Variants in LONRF1 observed in about 807,000 individuals in gnomAD.
LONRF1 encodes LON peptidase N-terminal domain and ring finger 1.
A neutral mutation model predicts 85.8 loss-of-function variants in LONRF1; 37 were observed. That is an observed-to-expected ratio of 0.43 (90% CI 0.33 to 0.57). The LOEUF (loss-of-function observed/expected upper bound fraction) is 0.57, where lower values mean the gene tolerates loss of function less well. Ranked by LOEUF, LONRF1 falls within the 20% of genes least tolerant of loss-of-function variation. LONRF1 has a pLI of 0.04. For synonymous variants in LONRF1, 517 were observed against 390.1 expected, an observed-to-expected ratio of 1.33 and a Z score of -3.83; for missense variants, 1,036 against 978.0, an observed-to-expected ratio of 1.06 and a Z score of -0.79.
At chr8:12,746,701 T>C (rs992442112) in intron 1 of LONRF1, among the ~76,000 whole-genome samples, 2 of 151,998 alleles carry the variant, frequency 1.3e-5, no homozygotes, top group African/African-American at 4.9e-5. Context: ...CAATTCTACA[T>C]GGATCTAGGA....
At chr8:12,736,563 C>G (rs1181470499) in intron 6 of LONRF1, 138 bp downstream of exon 6, 1 of 616,144 alleles carries the variant, frequency 1.6e-6, no homozygotes, top group Non-Finnish European at 2.7e-6. Flanking sequence ...AAGGTAAACC[C>G]AGGACTAAAA....
chr8:12,723,489 G>C (rs376671542), intron 11 of LONRF1, among the ~76,000 whole-genome samples: 1 of 152,172 alleles, frequency 6.6e-6, no homozygotes, highest in African/African-American at 2.4e-5. Flanking sequence ...TTCAAATCTA[G>C]ACCTGACTCC....
rs752338089 is a variant in LONRF1, at chr8:12,731,671, G to A, written c.1688+65C>T. On this transcript the variant is annotated intron_variant, in intron 8 of 11. Transcript: ENST00000398246. The stretch of plus-strand genomic sequence containing the variant: ...GAACTAAAGACAGGATCCAGCTTGC[G>A]GTGAGGTTTTTCCTTACTATTAAAG... 34 of 1,388,094 alleles carry A rather than the reference G, an allele frequency of 2.4e-5. No homozygotes were observed. In the South Asian group the frequency reaches 3.5e-4, roughly 14 times the overall value. 86.0% of individuals were successfully genotyped at this position (1,388,094 alleles called of 1,614,324 possible). A position where few individuals can be genotyped will look rare whatever the true frequency, so the allele number is the denominator to read the frequency against.
chr8:12,739,474 G>A (rs1249429443), intron 3 of LONRF1, among the ~76,000 whole-genome samples: 1 of 152,120 alleles, frequency 6.6e-6, no homozygotes, highest in African/African-American at 2.4e-5. Context: ...TCTAGGAGCA[G>A]GGGATGGAGG....
intron 10 of LONRF1, among the ~76,000 whole-genome samples, chr8:12,727,504 T>A (rs578203130): frequency 6.6e-6 from 1 of 151,908 alleles, no homozygotes; most frequent in Non-Finnish European, 1.5e-5. Flanking sequence ...TACTAGACAT[T>A]CCGAGGACCA....
chr8:12,755,491 A>G lies in LONRF1; in HGVS notation c.-71T>C. 1.2e-6 allele frequency: 1 copy of G among 843,224 alleles called. No homozygotes were observed. The highest frequency in any genetic ancestry group is 1.4e-6 in the Non-Finnish European group (1 of 691,876). The allele number at this position is 843,224 out of a possible 1,614,324, so 52.2% of individuals were successfully genotyped here. A position where few individuals can be genotyped will look rare whatever the true frequency, so the allele number is the denominator to read the frequency against. On this transcript the variant is annotated 5_prime_UTR_variant, in exon 1 of 12. Coordinates refer to ENST00000398246, the MANE Select transcript of LONRF1 (RefSeq NM_152271.5). The stretch of plus-strand genomic sequence containing the variant: ...GAGCCTCCCGGGCGCGCGGCTCCGC[A>G]CGCGGCCCGCGAGCAGGGGGGCGTG...
At chr8:12,751,296 GTTTTTT>G (rs869038024) in intron 1 of LONRF1, among the ~76,000 whole-genome samples, 1 of 69,536 alleles carries the variant, frequency 1.4e-5, no homozygotes, top group Non-Finnish European at 2.8e-5. Context: ...TTATTTTTAT[GTTTTTT>G]TTTTTTTTTT....
At position 12,725,663 on chromosome 8, in the gene LONRF1, T is replaced by G. The variant is rs564676868; in HGVS notation, c.2163+64A>C. The G allele has an allele frequency of 2.0e-6, 3 of 1,506,338 alleles. No individual in the cohort carries two copies. In the African/African-American group the frequency reaches 4.2e-5, roughly 21 times the overall value. 93.3% of individuals were successfully genotyped at this position (1,506,338 alleles called of 1,614,324 possible). On this transcript the variant is annotated intron_variant, in intron 11 of 11. Transcript: ENST00000398246. ...AGAAAGGACAATGAGAAAACAAATG[T>G]AGAAGTGTGCAAATTTGGGTTTATA...
intron 7 of LONRF1, among the ~76,000 whole-genome samples, chr8:12,735,036 C>CTTT (rs1798666344): frequency 6.6e-6 from 1 of 151,936 alleles, no homozygotes; most frequent in Non-Finnish European, 1.5e-5. Context: ...ACCATACCCA[C>CTTT]TTTTGTTTAA....
Position 12,729,305 on chromosome 8 carries a change from A to C in LONRF1, c.1716T>G (p.Val572=), listed in dbSNP as rs1425508799. Residue 572 remains valine, a synonymous_variant, in exon 9 of 12, where the codon GTT becomes GTG. Coordinates refer to ENST00000398246, the MANE Select transcript of LONRF1 (RefSeq NM_152271.5). ...SHLTKNVPIF[V]CTMAYPTVPC... Reference sequence around the variant, plus strand: ...GCACAGTGGGGTAGGCCATAGTGCAAACAAATATTGGAACATTCTTGGTCA... The same window carrying C: ...GCACAGTGGGGTAGGCCATAGTGCACACAAATATTGGAACATTCTTGGTCA... The C allele has an allele frequency of 1.2e-6, 2 of 1,613,656 alleles. No homozygotes were observed. The highest frequency in any genetic ancestry group is 2.7e-5 in the African/African-American group (2 of 74,926).
intron 1 of LONRF1, among the ~76,000 whole-genome samples, chr8:12,744,071 T>C (rs569956418): frequency 1.2e-3 from 179 of 152,272 alleles, no homozygotes; most frequent in Non-Finnish European, 2.3e-3. Flanking sequence ...AGACATTAAT[T>C]TATAATATAG....
rs970385632 is a variant in LONRF1, at chr8:12,755,500, G to A, written c.-80C>T. On this transcript the variant is annotated 5_prime_UTR_variant, in exon 1 of 12. Coordinates refer to ENST00000398246, the MANE Select transcript of LONRF1 (RefSeq NM_152271.5). ...GGGCGCGCGGCTCCGCACGCGGCCCGCGAGCAGGGGGGCGTGGCGCGCGGA... is the reference window on the plus strand; with the variant it reads ...GGGCGCGCGGCTCCGCACGCGGCCCACGAGCAGGGGGGCGTGGCGCGCGGA... The A allele has an allele frequency of 1.4e-4, 98 of 706,444 alleles. No homozygotes were observed. The highest frequency in any genetic ancestry group is 6.7e-4 in the Middle Eastern group (1 of 1,496). 43.8% of individuals were successfully genotyped at this position (706,444 alleles called of 1,614,324 possible).
intron 2 of LONRF1, among the ~76,000 whole-genome samples, chr8:12,742,918 G>T (rs1798995738): frequency 6.6e-6 from 1 of 152,176 alleles, no homozygotes; most frequent in Non-Finnish European, 1.5e-5. Flanking sequence ...TAGAGATGGG[G>T]TTTCAACATG....
intron 1 of LONRF1, among the ~76,000 whole-genome samples, chr8:12,747,552 G>T (rs970064519): frequency 2.6e-4 from 40 of 152,278 alleles, no homozygotes; most frequent in African/African-American, 8.9e-4. Flanking sequence ...GTGATTCTAG[G>T]AATGGGCAAC....
chr8:12,734,657 A>G (rs1486069894), intron 7 of LONRF1, among the ~76,000 whole-genome samples: 3 of 152,178 alleles, frequency 2.0e-5, no homozygotes, highest in African/African-American at 7.2e-5. Flanking sequence ...GGGGAATAGG[A>G]AGCTGTACCT....
intron 1 of LONRF1, among the ~76,000 whole-genome samples, chr8:12,750,522 C>A (rs1427978876): frequency 1.3e-5 from 2 of 152,194 alleles, no homozygotes; most frequent in African/African-American, 4.8e-5. Flanking sequence ...TGAAAGTGGT[C>A]TCTCAAAATA....
intron 11 of LONRF1, among the ~76,000 whole-genome samples, chr8:12,723,607 T>C (rs538355825): frequency 3.9e-5 from 6 of 152,358 alleles, no homozygotes; most frequent in South Asian, 4.1e-4. Flanking sequence ...GGCTGTCCTA[T>C]GCACTAGAGC....
At chr8:12,742,617 C>G (rs925529858) in intron 2 of LONRF1, among the ~76,000 whole-genome samples, 3 of 152,120 alleles carry the variant, frequency 2.0e-5, no homozygotes, top group African/African-American at 7.2e-5. Context: ...TCTTTGCAGA[C>G]ATTTTGTATA....
intron 11 of LONRF1, among the ~76,000 whole-genome samples, chr8:12,724,785 A>G (rs1806093207): frequency 6.6e-6 from 1 of 152,242 alleles, no homozygotes; most frequent in Non-Finnish European, 1.5e-5. Flanking sequence ...ATCAGTTAAA[A>G]CAAATAGATG....
Sources: gnomAD v4.1 joint callset for allele counts (sites outside exome capture counted in the v4.1 genomes callset) on GRCh38, gnomAD v4.1.1 for gene constraint, MANE v1.5 for transcripts, NCBI Gene and HGNC (gene_info 2026-07-23, HGNC 2026-07-21) for gene names.